Variants in NKAIN3 observed in about 807,000 individuals in gnomAD.
The protein encoded by NKAIN3 is sodium/potassium transporting ATPase interacting 3.
A neutral mutation model predicts 30.2 loss-of-function variants in NKAIN3; 25 were observed. The observed-to-expected ratio is 0.83, with a 90% CI of 0.60 to 1.16. The LOEUF (loss-of-function observed/expected upper bound fraction) is 1.16, where lower values mean the gene tolerates loss of function less well. NKAIN3 is among the 50% of genes most tolerant of loss of function. NKAIN3 has a pLI of 0.00. For synonymous variants in NKAIN3, 91 were observed against 89.6 expected (o/e 1.02, Z -0.09); for missense variants, 225 against 254.1 (o/e 0.89, Z 0.78).
intron 6 of NKAIN3, among the ~76,000 whole-genome samples, chr8:62,961,057 A>G (rs1477374975): frequency 6.6e-6 from 1 of 152,154 alleles, no homozygotes; most frequent in African/African-American, 2.4e-5. Flanking sequence ...AGGCGGGCAG[A>G]TCACTTGAGG....
chr8:62,386,902 C>T (rs1193994613), intron 1 of NKAIN3, among the ~76,000 whole-genome samples: 1 of 136,564 alleles, frequency 7.3e-6, no homozygotes, highest in Non-Finnish European at 1.6e-5. Context: ...TTGGTGTTTC[C>T]GAATTGATAT....
At position 62,745,840 on chromosome 8, in the gene NKAIN3, G is replaced by A. The variant is rs374555651; in HGVS notation, c.274-1092G>A. 2.6e-3 allele frequency among the ~76,000 whole-genome samples: 390 copies of A among 152,274 alleles called. 2 individuals are homozygous for A. The highest frequency in any genetic ancestry group is 9.0e-3 in the African/African-American group (372 of 41,554). ...AGGAATGATCAGGGCTTTGGAGGGG[G>A]AAGACAGCAAGTAATGTGAGAGAGT... On this transcript the variant is annotated intron_variant, in intron 3 of 6. Coordinates refer to ENST00000623646, the MANE Select transcript of NKAIN3 (RefSeq NM_001304533.3).
At chr8:62,348,895 C>G (rs1816094552) in intron 1 of NKAIN3, among the ~76,000 whole-genome samples, 2 of 152,154 alleles carry the variant, frequency 1.3e-5, no homozygotes, top group Non-Finnish European at 2.9e-5. Flanking sequence ...TCCTACTCAA[C>G]AAAGGCAAGT....
intron 1 of NKAIN3, among the ~76,000 whole-genome samples, chr8:62,417,607 C>T (rs1378444101): frequency 6.6e-6 from 1 of 152,122 alleles, no homozygotes; most frequent in East Asian, 1.9e-4. Context: ...CAAGAGTTCT[C>T]TTTTTTCCAC....
chr8:62,284,113 A>G (rs1005883088), intron 1 of NKAIN3, among the ~76,000 whole-genome samples: 14 of 152,206 alleles, frequency 9.2e-5, no homozygotes, highest in Non-Finnish European at 1.8e-4. Context: ...TCTCCCTAGG[A>G]AAATGGGAGT....
chr8:62,629,463 C>T (rs913930767), intron 3 of NKAIN3, among the ~76,000 whole-genome samples: 1 of 152,122 alleles, frequency 6.6e-6, no homozygotes, highest in Non-Finnish European at 1.5e-5. Context: ...GAACAATGCT[C>T]TTGCCTTCAT....
chr8:62,526,066 A>G (rs182527576), intron 1 of NKAIN3, among the ~76,000 whole-genome samples: 1 of 152,282 alleles, frequency 6.6e-6, no homozygotes. Flanking sequence ...ATTTATGAGA[A>G]GCATTGATAA....
intron 3 of NKAIN3, among the ~76,000 whole-genome samples, chr8:62,618,145 C>A (rs776761356): frequency 1.7e-4 from 26 of 152,148 alleles, no homozygotes; most frequent in Non-Finnish European, 3.2e-4. Flanking sequence ...CCTTGCAGAT[C>A]GTCATAGCTC....
At chr8:62,926,570 G>A (rs1822451796) in intron 5 of NKAIN3, among the ~76,000 whole-genome samples, 1 of 151,952 alleles carries the variant, frequency 6.6e-6, no homozygotes, top group Non-Finnish European at 1.5e-5. Context: ...AGCTGTCAGT[G>A]CCGCAGATCA....
chr8:62,893,527 G>A lies in NKAIN3; in HGVS notation c.472-24926G>A, dbSNP rs568221474. On this transcript the variant is annotated intron_variant, in intron 4 of 6. Transcript: ENST00000623646. ...AATATATCTATAAGCTATGGGCTAT[G>A]GGCTGGACATAGACTAAGGACACCA... Among the ~76,000 whole-genome samples, 7 of 152,316 alleles carry A rather than the reference G, an allele frequency of 4.6e-5. No homozygotes were observed. In the South Asian group the frequency reaches 8.3e-4, roughly 18 times the overall value.
At chr8:62,769,290 C>G (rs766891361) in intron 4 of NKAIN3, among the ~76,000 whole-genome samples, 9 of 152,090 alleles carry the variant, frequency 5.9e-5, no homozygotes, top group Admixed American at 2.0e-4. Context: ...AAATAATATG[C>G]CCCAATTATC....
intron 4 of NKAIN3, among the ~76,000 whole-genome samples, chr8:62,894,170 A>G (rs142841302): frequency 1.6e-4 from 24 of 152,310 alleles, no homozygotes; most frequent in African/African-American, 5.5e-4. Context: ...GATTATTTGT[A>G]TAGTGATCCT....
At chr8:62,383,725 T>A (rs1292166475) in intron 1 of NKAIN3, among the ~76,000 whole-genome samples, 1 of 152,150 alleles carries the variant, frequency 6.6e-6, no homozygotes, top group African/African-American at 2.4e-5. Context: ...CTGTTCTTTT[T>A]CTCAAATCAT....
At chr8:62,750,099 G>A (rs980472979) in intron 4 of NKAIN3, among the ~76,000 whole-genome samples, 2 of 151,948 alleles carry the variant, frequency 1.3e-5, no homozygotes, top group Admixed American at 6.6e-5. Flanking sequence ...TTAACAGCCC[G>A]AGGGGCGTGG....
chr8:62,622,033 A>G (rs1190209847), intron 3 of NKAIN3, among the ~76,000 whole-genome samples: 3 of 152,098 alleles, frequency 2.0e-5, no homozygotes, highest in Non-Finnish European at 4.4e-5. Flanking sequence ...AGAATGTTAT[A>G]GAAATGCAAT....
chr8:62,962,537 A>T (rs900238115), intron 6 of NKAIN3, among the ~76,000 whole-genome samples: 1 of 152,196 alleles, frequency 6.6e-6, no homozygotes, highest in African/African-American at 2.4e-5. Flanking sequence ...TACACTTTTG[A>T]CTTTGGACAA....
At chr8:62,298,288 G>T (rs868352937) in intron 1 of NKAIN3, among the ~76,000 whole-genome samples, 1 of 152,064 alleles carries the variant, frequency 6.6e-6, no homozygotes, top group African/African-American at 2.4e-5. Context: ...AAATCTGCAC[G>T]TTGTGCATAT....
At chr8:62,314,280 C>T (rs2129588867) in intron 1 of NKAIN3, among the ~76,000 whole-genome samples, 1 of 152,224 alleles carries the variant, frequency 6.6e-6, no homozygotes, top group South Asian at 2.1e-4. Flanking sequence ...AGAAAATGCT[C>T]CTGGTGTATT....
chr8:62,704,964 G>T (rs1407063228), intron 3 of NKAIN3, among the ~76,000 whole-genome samples: 1 of 152,102 alleles, frequency 6.6e-6, no homozygotes, highest in Non-Finnish European at 1.5e-5. Flanking sequence ...TTTAGGAGGG[G>T]TTTTACTTTA....
Sources: gnomAD v4.1 joint callset for allele counts (sites outside exome capture counted in the v4.1 genomes callset) on GRCh38, gnomAD v4.1.1 for gene constraint, MANE v1.5 for transcripts, NCBI Gene and HGNC (gene_info 2026-07-23, HGNC 2026-07-21) for gene names.